Variants in SLC9A6 observed in about 807,000 individuals in gnomAD.
The protein encoded by SLC9A6 is sodium/hydrogen exchanger 6.
SLC9A6 carries 6 observed loss-of-function variants against 45.3 expected under a neutral mutation model. The observed-to-expected ratio is 0.13, with a 90% CI of 0.07 to 0.26. SLC9A6 has a LOEUF of 0.26. SLC9A6 is among the 10% of genes least tolerant of loss of function. The pLI is 1.00. For synonymous variants in SLC9A6, 191 were observed against 187.7 expected (o/e 1.02, Z -0.14); for missense variants, 278 against 503.7 (o/e 0.55, Z 4.29).
rs1373562197 is a variant in SLC9A6, at chrX:136,046,185, T to C, written c.*1461T>C. On this transcript the variant is annotated 3_prime_UTR_variant, in exon 18 of 18. Transcript: ENST00000630721. The stretch of plus-strand genomic sequence containing the variant: ...CCTTAAATCTTATCCAGTTAGAACA[T>C]TGATTTATTTACATGATGTTCAGAT... 8.9e-6 allele frequency: 1 copy of C among 112,377 alleles called. No individual in the cohort carries two copies. The highest frequency in any genetic ancestry group is 9.5e-5 in the Admixed American group (1 of 10,573). The allele number at this position is 112,377 out of a possible 1,213,427, so 9.3% of individuals were successfully genotyped here.
intron 17 of SLC9A6, among the ~76,000 whole-genome samples, 169 bp downstream of exon 17, chrX:136,040,350 C>T (rs1324741506): frequency 1.8e-5 from 2 of 112,183 alleles, no homozygotes; most frequent in Non-Finnish European, 3.8e-5. Context: ...ACACTGAAAC[C>T]TATAAATATA....
Position 136,046,171 on chromosome X carries a change from A to C in SLC9A6, c.*1447A>C, listed in dbSNP as rs1442118466. On this transcript the variant is annotated 3_prime_UTR_variant, in exon 18 of 18. Coordinates refer to ENST00000630721, the MANE Select transcript of SLC9A6 (RefSeq NM_001379110.1). ...TCTGAGTAGCATTGCCTTAAATCTT[A>C]TCCAGTTAGAACATTGATTTATTTA... 1.8e-5 allele frequency: 2 copies of C among 112,062 alleles called. No homozygotes were observed. Among genetic ancestry groups the C allele is most frequent in the African/African-American group, 6.5e-5 (2 of 30,726 alleles). 9.2% of individuals were successfully genotyped at this position (112,062 alleles called of 1,213,427 possible). A position where few individuals can be genotyped will look rare whatever the true frequency, so the allele number is the denominator to read the frequency against.
chrX:135,992,613 T>C (rs1385479539), intron 2 of SLC9A6, among the ~76,000 whole-genome samples: 1 of 112,202 alleles, frequency 8.9e-6, no homozygotes, highest in African/African-American at 3.2e-5. Context: ...TTGACTGATA[T>C]GTACTACTAT....
At chrX:136,001,047 C>G (rs183181156) in intron 6 of SLC9A6, among the ~76,000 whole-genome samples, 1 of 110,469 alleles carries the variant, frequency 9.1e-6, no homozygotes, top group African/African-American at 3.3e-5. Flanking sequence ...TTTGAAAAGG[C>G]TCTCTCAGCT....
chrX:135,975,484 A>G (rs1556613219), intron 1 of SLC9A6, among the ~76,000 whole-genome samples: 1 of 112,053 alleles, frequency 8.9e-6, no homozygotes, highest in East Asian at 2.8e-4. Context: ...CATACTATAT[A>G]ATTTAACTAT....
intron 6 of SLC9A6, 120 bp downstream of exon 6, chrX:135,999,088 A>G (rs1255028029): frequency 3.8e-6 from 2 of 522,287 alleles, no homozygotes; most frequent in South Asian, 2.7e-5. Context: ...TTAGTACTAT[A>G]CTTTCTAATT....
At chrX:135,986,073 C>T (rs1378563390) in intron 2 of SLC9A6, among the ~76,000 whole-genome samples, 1 of 109,644 alleles carries the variant, frequency 9.1e-6, no homozygotes, top group Non-Finnish European at 1.9e-5. Context: ...CTTTTTCCTC[C>T]GCACCCCCAG....
intron 13 of SLC9A6, among the ~76,000 whole-genome samples, chrX:136,028,590 C>T (rs1290528948): frequency 8.9e-6 from 1 of 112,494 alleles, no homozygotes; most frequent in Non-Finnish European, 1.9e-5. Flanking sequence ...ACTGGAGATG[C>T]ATAAATGTGG....
chrX:136,030,226 C>T (rs2071296507), intron 15 of SLC9A6, 64 bp downstream of exon 15: 1 of 1,032,576 alleles, frequency 9.7e-7, no homozygotes, highest in Non-Finnish European at 1.4e-6. Context: ...GGAAAGAAAA[C>T]AATCTACTAT....
At chrX:136,010,294 T>TTGGGTA (rs1427516207) in intron 7 of SLC9A6, 148 bp from the exon 8 acceptor site, 1 of 504,586 alleles carries the variant, frequency 2.0e-6, no homozygotes, top group African/African-American at 2.5e-5. Flanking sequence ...TGCAGGATTT[T>TTGGGTA]TGGGTAATTT....
At chrX:136,016,898 T>G in intron 11 of SLC9A6, 140 bp downstream of exon 11, 1 of 402,350 alleles carries the variant, frequency 2.5e-6, no homozygotes, top group Non-Finnish European at 4.3e-6. Flanking sequence ...TCCAGCTCTT[T>G]TTTCTAGTCT....
intron 11 of SLC9A6, among the ~76,000 whole-genome samples, chrX:136,020,166 TC>T (rs1219798425): frequency 5.5e-5 from 6 of 109,126 alleles, no homozygotes; most frequent in East Asian, 2.9e-4. Flanking sequence ...AGTTACACAT[TC>T]CCCCCCCTTC....
chrX:136,016,344 C>A (rs186427977), intron 10 of SLC9A6, among the ~76,000 whole-genome samples: 1 of 109,237 alleles, frequency 9.2e-6, no homozygotes, highest in African/African-American at 3.3e-5. Context: ...TTGACTAAGG[C>A]AGTAGCAGGG....
intron 10 of SLC9A6, among the ~76,000 whole-genome samples, chrX:136,016,215 T>C (rs1556619252): frequency 9.0e-6 from 1 of 111,462 alleles, no homozygotes; most frequent in Admixed American, 9.6e-5. Context: ...TCTTATAGCT[T>C]GCAAGAGGAA....
intron 14 of SLC9A6, chrX:136,029,750 C>T (rs2071285752): frequency 1.0e-5 from 2 of 199,253 alleles, no homozygotes; most frequent in Non-Finnish European, 1.8e-5. Flanking sequence ...ATGAGAGCTG[C>T]GAAGTGAATT....
At chrX:135,979,989 C>T (rs1167122619) in intron 1 of SLC9A6, among the ~76,000 whole-genome samples, 1 of 111,614 alleles carries the variant, frequency 9.0e-6, no homozygotes, top group Non-Finnish European at 1.9e-5. Flanking sequence ...TGGTCTTGAA[C>T]TCCTGACCTC....
In SLC9A6 at chrX:136,016,636, T is replaced by G; in HGVS notation, c.1081-9T>G. On this transcript the variant is annotated splice_polypyrimidine_tract_variant and intron_variant, in intron 10 of 17. Transcript: ENST00000630721. ...TTTGCTGGACTAATCTTTTACAATT[T>G]CGTTTCAGTTGTTTGAGCTTCTCAA... The G allele has an allele frequency of 1.0e-6, 1 of 984,235 alleles. No individual in the cohort carries two copies. 81.1% of individuals were successfully genotyped at this position (984,235 alleles called of 1,213,427 possible).
Position 136,024,361 on chromosome X carries a change from C to G in SLC9A6, c.1338C>G (p.Ala446=). 8.3e-7 allele frequency: 1 copy of G among 1,211,035 alleles called. No individual in the cohort carries two copies. The highest frequency in any genetic ancestry group is 3.0e-5 in the East Asian group (1 of 33,838). The change falls in exon 13 of 18, where the codon GCC becomes GCG. Residue 446 remains alanine (A), a synonymous_variant. Transcript: ENST00000630721. ...GLRGAMAFAL[A]IRDTATYARQ... is the part of the protein sequence containing the mutation. The stretch of plus-strand genomic sequence containing the variant: ...GTGGTGCAATGGCATTTGCCTTGGC[C>G]ATTCGAGATACTGCCACTTATGCAC...
At chrX:135,982,210 A>G (rs2148126468), upstream of SLC9A6, among the ~76,000 whole-genome samples, 1 of 110,713 alleles carries the variant, frequency 9.0e-6, no homozygotes, top group Non-Finnish European at 1.9e-5. Context: ...CACTCCCTGG[A>G]TGGGAGTGCA....
Sources: gnomAD v4.1 joint callset for allele counts (sites outside exome capture counted in the v4.1 genomes callset) on GRCh38, gnomAD v4.1.1 for gene constraint, MANE v1.5 for transcripts, NCBI Gene and HGNC (gene_info 2026-07-23, HGNC 2026-07-21) for gene names.